JAK1: variants seen among roughly 807,000 people sequenced by gnomAD.
JAK1 encodes the protein Janus kinase 1.
A neutral mutation model predicts 136.6 loss-of-function variants in JAK1; 16 were observed. The observed-to-expected ratio is 0.12, with a 90% CI of 0.08 to 0.18. The LOEUF (loss-of-function observed/expected upper bound fraction) is 0.18, where lower values mean the gene tolerates loss of function less well. JAK1 is among the 10% of genes least tolerant of loss of function. The probability of loss-of-function intolerance (pLI) is 1.00; values close to 1 mark genes in which losing one functional copy is unlikely to be tolerated. For missense variants in JAK1, 859 were observed against 1,450.1 expected, an observed-to-expected ratio of 0.59 and a Z score of 6.62; for synonymous variants, 492 against 519.5, an observed-to-expected ratio of 0.95 and a Z score of 0.72.
chr1:64,945,394 A>G (rs909407345), intron 1 of JAK1, among the ~76,000 whole-genome samples: 1 of 152,182 alleles, frequency 6.6e-6, no homozygotes, highest in East Asian at 1.9e-4. Flanking sequence ...TTACACAAAT[A>G]GCACTATTTA....
intron 2 of JAK1, among the ~76,000 whole-genome samples, chr1:64,982,704 T>G (rs1460471529): frequency 6.6e-6 from 1 of 152,170 alleles, no homozygotes; most frequent in East Asian, 1.9e-4. Flanking sequence ...TGGCTGTGAG[T>G]AGTACATTAC....
intron 2 of JAK1, among the ~76,000 whole-genome samples, chr1:64,980,824 G>C (rs1337162635): frequency 6.6e-6 from 1 of 151,972 alleles, no homozygotes; most frequent in Non-Finnish European, 1.5e-5. Context: ...AACATGCGGT[G>C]TTTGGTTTTT....
chr1:64,970,298 G>C (rs1646439778), upstream of JAK1, among the ~76,000 whole-genome samples: 1 of 150,816 alleles, frequency 6.6e-6, no homozygotes, highest in Non-Finnish European at 1.5e-5. Context: ...AAAATTAGTT[G>C]GGCATGGTGG....
At chr1:64,996,811 G>T (rs1193695879) in intron 2 of JAK1, among the ~76,000 whole-genome samples, 1 of 152,200 alleles carries the variant, frequency 6.6e-6, no homozygotes. Flanking sequence ...TCAAGCTGAA[G>T]CTCGCCTAAG....
intron 6 of JAK1, 73 bp downstream of exon 6, chr1:64,869,238 G>A: frequency 7.0e-7 from 1 of 1,425,050 alleles, no homozygotes; most frequent in Non-Finnish European, 9.8e-7. Flanking sequence ...CAGTAATTAA[G>A]CTGAAATGTG....
At chr1:64,999,473 C>T (rs953130439) in intron 2 of JAK1, among the ~76,000 whole-genome samples, 3 of 152,198 alleles carry the variant, frequency 2.0e-5, no homozygotes, top group Admixed American at 1.3e-4. Flanking sequence ...TGCAAAGGCT[C>T]ATGGCTGTAA....
chr1:64,969,936 G>A (rs367554872), upstream of JAK1, among the ~76,000 whole-genome samples: 1 of 151,946 alleles, frequency 6.6e-6, no homozygotes, highest in Non-Finnish European at 1.5e-5. Context: ...TTCAAAATGA[G>A]ACCAGCTTGC....
intron 2 of JAK1, among the ~76,000 whole-genome samples, chr1:64,997,743 G>A (rs373247134): frequency 6.6e-6 from 1 of 152,070 alleles, no homozygotes; most frequent in Non-Finnish European, 1.5e-5. Flanking sequence ...GTGGGGAGGA[G>A]TCTCTTCTCC....
chr1:65,044,642 T>C (rs1326111533), intron 1 of JAK1, among the ~76,000 whole-genome samples: 1 of 152,320 alleles, frequency 6.6e-6, no homozygotes, highest in East Asian at 1.9e-4. Flanking sequence ...GAAAGAGTAG[T>C]TCCAATTTGG....
intron 11 of JAK1, among the ~76,000 whole-genome samples, chr1:64,854,130 T>G (rs1005365785): frequency 6.6e-6 from 1 of 152,142 alleles, no homozygotes; most frequent in African/African-American, 2.4e-5. Context: ...CACAAGTCCC[T>G]CCTCTTTCAC....
chr1:64,836,047 A>T (rs1654460679), intron 23 of JAK1, 51 bp downstream of exon 23: 1 of 954,606 alleles, frequency 1.0e-6, no homozygotes, highest in African/African-American at 1.6e-5. Context: ...AGAGGGATGG[A>T]CACATTTTAA....
chr1:65,014,058 C>T (rs2100776696), intron 2 of JAK1, among the ~76,000 whole-genome samples: 1 of 152,046 alleles, frequency 6.6e-6, no homozygotes, highest in Admixed American at 6.5e-5. Context: ...ATATTACATA[C>T]AACTGAAAAG....
At position 64,985,746 on chromosome 1, in the gene JAK1, A is replaced by G. The variant is rs1434209049; in HGVS notation, c.-78+58734T>C. The stretch of plus-strand genomic sequence containing the variant: ...CAAGTAGGCCAGGATCAGTATTTCA[A>G]CCAACTCAGCTACTTTACACAGTCC... On this transcript the variant is annotated intron_variant, in intron 2 of 25. Transcript: ENST00000671954. 3.3e-5 allele frequency: 22 copies of G among 669,036 alleles called. No individual in the cohort carries two copies. The South Asian group carries it at 3.3e-4, about 10-fold the overall frequency. 41.4% of individuals were successfully genotyped at this position (669,036 alleles called of 1,614,324 possible).
At chr1:65,036,862 A>G (rs1647079213) in intron 2 of JAK1, among the ~76,000 whole-genome samples, 1 of 152,236 alleles carries the variant, frequency 6.6e-6, no homozygotes, top group Non-Finnish European at 1.5e-5. Context: ...GAGTAATTAC[A>G]GTAGTCTTAA....
chr1:64,839,927 G>T, intron 19 of JAK1, 132 bp from the exon 20 acceptor site: 2 of 682,034 alleles, frequency 2.9e-6, no homozygotes, highest in Non-Finnish European at 4.9e-6. Flanking sequence ...GCAGGCAGAA[G>T]CCTCTCACCT....
chr1:64,946,755 T>C (rs904741706), intron 1 of JAK1, among the ~76,000 whole-genome samples: 9 of 87,928 alleles, frequency 1.0e-4, no homozygotes, highest in Admixed American at 6.9e-4. Context: ...AACGAGATAT[T>C]TGCAAACCCA....
At chr1:64,948,211 T>C (rs1405710904) in intron 1 of JAK1, among the ~76,000 whole-genome samples, 3 of 152,228 alleles carry the variant, frequency 2.0e-5, no homozygotes, top group Admixed American at 6.5e-5. Context: ...ATCTAATCAA[T>C]GACTGTTTAC....
intron 2 of JAK1, among the ~76,000 whole-genome samples, chr1:65,035,260 G>C (rs1647063007): frequency 6.6e-6 from 1 of 152,090 alleles, no homozygotes; most frequent in Non-Finnish European, 1.5e-5. Flanking sequence ...ATAGAAACTG[G>C]CAAGCTAAAC....
At chr1:64,912,349 A>C (rs1281358789) in intron 1 of JAK1, among the ~76,000 whole-genome samples, 1 of 152,056 alleles carries the variant, frequency 6.6e-6, no homozygotes, top group Non-Finnish European at 1.5e-5. Flanking sequence ...TGCAACCCAC[A>C]CATGATTTCT....
Sources: allele counts gnomAD v4.1 joint callset (sites outside exome capture counted in the v4.1 genomes callset), GRCh38; gene constraint gnomAD v4.1.1; transcripts MANE v1.5; gene names NCBI Gene and HGNC (gene_info 2026-07-23, HGNC 2026-07-21).